The following JAKMIP1 variants were observed in gnomAD, a reference collection of about 807,000 sequenced individuals.
JAKMIP1 encodes janus kinase and microtubule-interacting protein 1.
A neutral mutation model predicts 113.0 loss-of-function variants in JAKMIP1; 33 were observed. That is an observed-to-expected ratio of 0.29 (90% CI 0.22 to 0.39). The LOEUF (loss-of-function observed/expected upper bound fraction) is 0.39. Among genes scored for constraint, JAKMIP1 ranks in the 10% least tolerant of loss-of-function variants. The probability of loss-of-function intolerance (pLI) is 1.00; values close to 1 mark genes in which losing one functional copy is unlikely to be tolerated. For missense variants in JAKMIP1, 813 were observed against 1,080.5 expected (o/e 0.75, Z 3.47); for synonymous variants, 480 against 459.9 (o/e 1.04, Z -0.56).
At chr4:6,190,425 T>G (rs968327143) in intron 1 of JAKMIP1, among the ~76,000 whole-genome samples, 1 of 151,704 alleles carries the variant, frequency 6.6e-6, no homozygotes, top group African/African-American at 2.4e-5. Flanking sequence ...TCTCTAGACT[T>G]GCTCATCCTA....
Position 6,036,086 on chromosome 4 carries a change from T to A in JAKMIP1, c.2197A>T (p.Thr733Ser). ...AYLKIQDLEATLYTALQQEPG... is the reference protein window; with the variant it reads ...AYLKIQDLEASLYTALQQEPG... ...TCCTGCTGCAGCGCTGTGTACAGTG[T>A]GGCCTCCAGGTCTTGGATTTTCTGA... is the stretch of plus-strand genomic sequence containing the variant. Residue 733 changes from threonine to serine, a missense_variant, in exon 19 of 21, where the codon ACA becomes TCA. By Grantham distance (58) the Thr-to-Ser change is moderately conservative. Coordinates refer to ENST00000409021, the MANE Select transcript of JAKMIP1 (RefSeq NM_001099433.2). 6.4e-7 allele frequency: 1 copy of A among 1,555,212 alleles called. No homozygotes were observed. Among genetic ancestry groups the A allele is most frequent in the Non-Finnish European group, 8.7e-7 (1 of 1,148,548 alleles).
chr4:6,045,611 A>G (rs553034708), intron 16 of JAKMIP1, among the ~76,000 whole-genome samples: 1 of 152,328 alleles, frequency 6.6e-6, no homozygotes, highest in African/African-American at 2.4e-5. Context: ...GGTGTCTCAT[A>G]CCTGTAATCC....
Position 6,150,358 on chromosome 4 carries a change from G to A in JAKMIP1, c.-147-37361C>T, listed in dbSNP as rs1027796247. 1.3e-5 allele frequency: 2 copies of A among 152,158 alleles called. No homozygotes were observed. The highest frequency in any genetic ancestry group is 2.9e-5 in the Non-Finnish European group (2 of 68,062). The allele number at this position is 152,158 out of a possible 1,614,324, so 9.4% of individuals were successfully genotyped here. A position where few individuals can be genotyped will look rare whatever the true frequency, so the allele number is the denominator to read the frequency against. On this transcript the variant is annotated intron_variant, in intron 1 of 20. Transcript: ENST00000409021. The surrounding 1 kb of genome is among the most constrained non-coding windows in gnomAD (Gnocchi z 4.8). ...AAGCAAGCAGACTGCGGAGACCAGG[G>A]GCTGAGGTTGGCCCCCGGTGTCAGC...
rs1204005711 is a variant in JAKMIP1, at chr4:6,154,627, C to G, written c.-147-41630G>C. 6.6e-6 allele frequency among the ~76,000 whole-genome samples: 1 copy of G among 151,984 alleles called. No homozygotes were observed. The highest frequency in any genetic ancestry group is 1.5e-5 in the Non-Finnish European group (1 of 67,994). On this transcript the variant is annotated intron_variant, in intron 1 of 20. Coordinates refer to ENST00000409021, the MANE Select transcript of JAKMIP1 (RefSeq NM_001099433.2). The surrounding 1 kb of genome is among the most constrained non-coding windows in gnomAD (Gnocchi z 4.2). ...TTCCAAGAGCCCAACACGCACAGCCCACTGCACGCAGGGACTGTGCCCAAC... is the reference window on the plus strand; with the variant it reads ...TTCCAAGAGCCCAACACGCACAGCCGACTGCACGCAGGGACTGTGCCCAAC...
At chr4:6,100,745 G>GT (rs930420703) in intron 3 of JAKMIP1, among the ~76,000 whole-genome samples, 24 of 150,402 alleles carry the variant, frequency 1.6e-4, no homozygotes, top group African/African-American at 3.9e-4. Context: ...ACTATTGTCT[G>GT]TTTTTTTTTA....
intron 5 of JAKMIP1, among the ~76,000 whole-genome samples, chr4:6,082,589 G>C (rs1026260070): frequency 2.0e-5 from 3 of 151,858 alleles, no homozygotes; most frequent in Non-Finnish European, 2.9e-5. Flanking sequence ...CTGCAGCCTT[G>C]ACGTCCTGGC....
At chr4:6,046,746 C>T (rs1333039345) in intron 16 of JAKMIP1, among the ~76,000 whole-genome samples, 1 of 152,182 alleles carries the variant, frequency 6.6e-6, no homozygotes, top group East Asian at 1.9e-4. Flanking sequence ...ATGAGGAGCG[C>T]TGGGGACCTA....
At position 6,156,013 on chromosome 4, in the gene JAKMIP1, G is replaced by A. The variant is rs1306083278; in HGVS notation, c.-147-43016C>T. Among the ~76,000 whole-genome samples the A allele has an allele frequency of 5.3e-5, 8 of 152,328 alleles. No individual in the cohort carries two copies. The highest frequency in any genetic ancestry group is 2.1e-4 in the South Asian group (1 of 4,826). ...CTGTCCGTGGTGGGTTCCTCAGTGC[G>A]TAGAACAGTGCCCAGCACAATAATG... On this transcript the variant is annotated intron_variant, in intron 1 of 20. Coordinates refer to ENST00000409021, the MANE Select transcript of JAKMIP1 (RefSeq NM_001099433.2). The surrounding 1 kb of genome is among the most constrained non-coding windows in gnomAD (Gnocchi z 5.0).
In JAKMIP1 at chr4:6,179,561, C is replaced by T. The variant is rs1231632409; in HGVS notation, c.-148+20692G>A. Among the ~76,000 whole-genome samples the T allele has an allele frequency of 6.6e-6, 1 of 152,236 alleles. No individual in the cohort carries two copies. The highest frequency in any genetic ancestry group is 1.5e-5 in the Non-Finnish European group (1 of 68,052). ...ACCAAGCCCATTGCCCTGACACAAACCTACCTCCTCTGCAAAAGGTGACCC... is the reference window on the plus strand; with the variant it reads ...ACCAAGCCCATTGCCCTGACACAAATCTACCTCCTCTGCAAAAGGTGACCC... On this transcript the variant is annotated intron_variant, in intron 1 of 20. Coordinates refer to ENST00000409021, the MANE Select transcript of JAKMIP1 (RefSeq NM_001099433.2). The surrounding 1 kb of genome is among the most constrained non-coding windows in gnomAD (Gnocchi z 4.5).
At chr4:6,147,981 G>A (rs1220858852) in intron 1 of JAKMIP1, among the ~76,000 whole-genome samples, 1 of 152,220 alleles carries the variant, frequency 6.6e-6, no homozygotes, top group African/African-American at 2.4e-5. Context: ...TATCAGCCTT[G>A]AGCTCACATT....
rs1454431147 is a variant in JAKMIP1 at position 6,140,066 on chromosome 4, G to C, written c.-147-27069C>G. 6.6e-6 allele frequency among the ~76,000 whole-genome samples: 1 copy of C among 152,054 alleles called. No individual in the cohort carries two copies. Among genetic ancestry groups the C allele is most frequent in the Non-Finnish European group, 1.5e-5 (1 of 68,020 alleles). On this transcript the variant is annotated intron_variant, in intron 1 of 20. Transcript: ENST00000409021. The surrounding 1 kb of genome is among the most constrained non-coding windows in gnomAD (Gnocchi z 9.4). ...TGTATTCCATGGTACAGCGGCCCTA[G>C]GAAACGAATATATTTATTAGATGGA...
rs1726773839 is a variant in JAKMIP1, at chr4:6,187,443, CAT to C, written c.-148+12808_-148+12809del. ...TGAATGTTTATGTACCCCCAGAATT[CAT>C]ATGTTTCTAGTCACCAGTATGATAG... On this transcript the variant is annotated intron_variant, in intron 1 of 20. Transcript: ENST00000409021. The surrounding 1 kb of genome is among the most constrained non-coding windows in gnomAD (Gnocchi z 4.2). Among the ~76,000 whole-genome samples the C allele has an allele frequency of 6.6e-6, 1 of 152,330 alleles. No individual in the cohort carries two copies. The highest frequency in any genetic ancestry group is 2.4e-5 in the African/African-American group (1 of 41,580).
intron 1 of JAKMIP1, among the ~76,000 whole-genome samples, chr4:6,126,041 C>A (rs1201008854): frequency 6.9e-6 from 1 of 145,448 alleles, no homozygotes; most frequent in Non-Finnish European, 1.5e-5. Context: ...CAGAAACACA[C>A]ACACACAAAC....
At chr4:6,048,776 C>A (rs917980795) in intron 16 of JAKMIP1, 81 bp downstream of exon 16, 1 of 1,209,254 alleles carries the variant, frequency 8.3e-7, no homozygotes. Flanking sequence ...CCACGCAAAG[C>A]AAGACGCCAA....
rs1380862135 is a variant in JAKMIP1, at chr4:6,076,056, A to G, written c.1302+2883T>C. ...CCAGGCGTGGTGGCACATGCCTGTA[A>G]TCTCGGCTACTTGGGAGGCTGAGGC... On this transcript the variant is annotated intron_variant, in intron 8 of 20. Transcript: ENST00000409021. The surrounding 1 kb of genome is among the most constrained non-coding windows in gnomAD (Gnocchi z 4.8). Among the ~76,000 whole-genome samples the G allele has an allele frequency of 6.6e-6, 1 of 152,170 alleles. No homozygotes were observed. Among genetic ancestry groups the G allele is most frequent in the Non-Finnish European group, 1.5e-5 (1 of 68,034 alleles).
In JAKMIP1 at chr4:6,188,566, A is replaced by T. The variant is rs1332727779; in HGVS notation, c.-148+11687T>A. Among the ~76,000 whole-genome samples, 1 of 152,116 alleles carries T rather than the reference A, an allele frequency of 6.6e-6. No individual in the cohort carries two copies. ...TACCCCCAAAGCCCTCTGCTCACTC[A>T]CAATGATGAAGGGAAGCTACAACCC... is the stretch of plus-strand genomic sequence containing the variant. On this transcript the variant is annotated intron_variant, in intron 1 of 20. Coordinates refer to ENST00000409021, the MANE Select transcript of JAKMIP1 (RefSeq NM_001099433.2). This position sits in a 1 kb window ranked among gnomAD's most constrained non-coding sequence, Gnocchi z 5.8.
chr4:6,169,475 G>C (rs1312121651), intron 1 of JAKMIP1, among the ~76,000 whole-genome samples: 1 of 152,134 alleles, frequency 6.6e-6, no homozygotes, highest in East Asian at 1.9e-4. Flanking sequence ...TCCTCCACTA[G>C]AGCTTTCAGA....
rs1293246025 is a variant in JAKMIP1 at position 6,199,059 on chromosome 4, C to G, written c.-148+1194G>C. On this transcript the variant is annotated intron_variant, in intron 1 of 20. Coordinates refer to ENST00000409021, the MANE Select transcript of JAKMIP1 (RefSeq NM_001099433.2). The surrounding 1 kb of genome is among the most constrained non-coding windows in gnomAD (Gnocchi z 5.6). ...GGGACAGCGCCACGTTCCAGGAAAG[C>G]TCAGGAGGGGCAAGGGGATCTCCCT... Among the ~76,000 whole-genome samples the G allele has an allele frequency of 6.6e-6, 1 of 152,270 alleles. No individual in the cohort carries two copies. Among genetic ancestry groups the G allele is most frequent in the East Asian group, 1.9e-4 (1 of 5,196 alleles).
At chr4:6,063,999 GC>G (rs1717688091) in intron 9 of JAKMIP1, among the ~76,000 whole-genome samples, 1 of 152,222 alleles carries the variant, frequency 6.6e-6, no homozygotes, top group Non-Finnish European at 1.5e-5. Flanking sequence ...AGGGCCAGCT[GC>G]CCCGGCATAT....
Sources: gnomAD v4.1 joint callset for allele counts (sites outside exome capture counted in the v4.1 genomes callset) on GRCh38, gnomAD v4.1.1 for gene constraint, Gnocchi (gnomAD v3.1) non-coding constraint, MANE v1.5 for transcripts, NCBI Gene and HGNC (gene_info 2026-07-23, HGNC 2026-07-21) for gene names.